EPG5: variants seen among roughly 807,000 people sequenced by gnomAD.
EPG5 encodes ectopic P granules protein 5 homolog.
A neutral mutation model predicts 302.7 loss-of-function variants in EPG5; 159 were observed. That is an observed-to-expected ratio of 0.53 (90% CI 0.46 to 0.60). EPG5 has a LOEUF of 0.60. EPG5 is among the 20% of genes least tolerant of loss of function. EPG5 has a pLI of 0.00. For missense variants in EPG5, 2,896 were observed against 3,092.4 expected, an observed-to-expected ratio of 0.94 and a Z score of 1.51; for synonymous variants, 1,158 against 1,136.8, an observed-to-expected ratio of 1.02 and a Z score of -0.37.
the EPG5 span, among the ~76,000 whole-genome samples, chr18:45,809,054 T>C: frequency 6.6e-6 from 1 of 152,188 alleles, no homozygotes; most frequent in Non-Finnish European, 1.5e-5. Context: ...AGACATTTCA[T>C]GCAAATTGAC....
chr18:45,845,195 A>T (rs966265541), downstream of EPG5, among the ~76,000 whole-genome samples: 5 of 152,178 alleles, frequency 3.3e-5, no homozygotes. Flanking sequence ...GTGCTAGCTG[A>T]TACATACCCT....
chr18:45,803,828 C>A, the EPG5 span, among the ~76,000 whole-genome samples: 1 of 152,176 alleles, frequency 6.6e-6, no homozygotes, highest in African/African-American at 2.4e-5. Context: ...AAATTCAAAA[C>A]TCTTTGAAAG....
At chr18:45,868,218 TG>T (rs2048788131) in intron 36 of EPG5, 1 of 454,412 alleles carries the variant, frequency 2.2e-6, no homozygotes, top group Non-Finnish European at 4.4e-6. Context: ...TTTGCAGGTA[TG>T]GGTTGGGAGC....
intron 28 of EPG5, among the ~76,000 whole-genome samples, chr18:45,889,236 C>G: frequency 6.6e-6 from 1 of 152,164 alleles, no homozygotes; most frequent in East Asian, 1.9e-4. Flanking sequence ...GTCATGGTGG[C>G]TTTGGAAAGA....
chr18:45,902,627 C>T (rs536433427), intron 25 of EPG5, among the ~76,000 whole-genome samples: 1 of 152,294 alleles, frequency 6.6e-6, no homozygotes, highest in South Asian at 2.1e-4. Flanking sequence ...TGAAATTTTT[C>T]CTACAACCAA....
chr18:45,926,574 C>T (rs2050273004), intron 13 of EPG5, among the ~76,000 whole-genome samples: 2 of 152,052 alleles, frequency 1.3e-5, no homozygotes, highest in Admixed American at 6.6e-5. Flanking sequence ...TGCCTGTAAT[C>T]CCAGCACTTT....
chr18:45,907,992 A>T lies in EPG5; in HGVS notation c.4295T>A (p.Ile1432Asn). ...YIPSLPKHYDIHRLAKVMQNQ... is the reference protein window; with the variant it reads ...YIPSLPKHYDNHRLAKVMQNQ... ...CTGCATCACTTTTGCTAGCCTGTGA[A>T]TATCATAATGCTTTGGTAGAGAAGG... The change falls in exon 24 of 44, where the codon ATT (isoleucine) becomes AAT (asparagine). Residue 1432 changes from isoleucine to asparagine, a missense_variant. Physicochemically the swap from Ile to Asn is moderately radical, Grantham distance 149. Coordinates refer to ENST00000282041, the MANE Select transcript of EPG5 (RefSeq NM_020964.3). 6.3e-7 allele frequency: 1 copy of T among 1,591,956 alleles called. No homozygotes were observed. Among genetic ancestry groups the T allele is most frequent in the Non-Finnish European group, 8.5e-7 (1 of 1,174,030 alleles).
chr18:45,837,788 G>A, the EPG5 span: 8 of 1,523,072 alleles, frequency 5.3e-6, no homozygotes, highest in East Asian at 2.1e-4. Context: ...GCTGCGCGTC[G>A]AGCGCCTCGC....
the EPG5 span, among the ~76,000 whole-genome samples, chr18:45,835,699 T>C: frequency 6.6e-6 from 1 of 152,176 alleles, no homozygotes; most frequent in African/African-American, 2.4e-5. Flanking sequence ...AGTAACACTT[T>C]TACCTGATGG....
chr18:45,801,069 C>T, the EPG5 span, among the ~76,000 whole-genome samples: 1 of 152,090 alleles, frequency 6.6e-6, no homozygotes. Flanking sequence ...TGGAGTCTCG[C>T]TTTGTCACCC....
the EPG5 span, among the ~76,000 whole-genome samples, chr18:45,828,247 G>A: frequency 1.3e-5 from 2 of 152,132 alleles, no homozygotes; most frequent in Non-Finnish European, 2.9e-5. Context: ...ACAGCCCCTT[G>A]GTGAGAGAAA....
chr18:45,945,144 A>G (rs2050758507), intron 7 of EPG5, among the ~76,000 whole-genome samples: 1 of 152,228 alleles, frequency 6.6e-6, no homozygotes, highest in African/African-American at 2.4e-5. Context: ...AGGCAAAATC[A>G]TTCATAATTT....
chr18:45,959,429 G>A lies in EPG5; in HGVS notation c.64-4091C>T, dbSNP rs963954460. Reference sequence around the variant, plus strand: ...TGGAAGGCTGAGGCAGGTGGATTACGAGGTCAGGAGATTGAGACCATCCTG... The same window carrying A: ...TGGAAGGCTGAGGCAGGTGGATTACAAGGTCAGGAGATTGAGACCATCCTG... On this transcript the variant is annotated intron_variant, in intron 1 of 43. Transcript: ENST00000282041. 7.9e-5 allele frequency among the ~76,000 whole-genome samples: 12 copies of A among 152,000 alleles called. No homozygotes were observed. In the South Asian group the frequency reaches 1.2e-3, roughly 16 times the overall value.
rs760331503 is a variant in EPG5 at position 45,916,096 on chromosome 18, G to A, written c.3495C>T (p.Ile1165=). 1 of 1,614,140 alleles carries A rather than the reference G, an allele frequency of 6.2e-7. No homozygotes were observed. Among genetic ancestry groups the A allele is most frequent in the South Asian group, 1.1e-5 (1 of 91,080 alleles). The change falls in exon 19 of 44, where the codon ATC becomes ATT. Residue 1165 remains isoleucine, a synonymous_variant. Coordinates refer to ENST00000282041, the MANE Select transcript of EPG5 (RefSeq NM_020964.3). The part of the protein sequence containing the change: ...SQHLWYREQP[I]LFLMDHLCKA... ...TACACAAGTGGTCCATGAGGAAGAG[G>A]ATAGGTTGTTCTCGGTACCAGAGAT...
At chr18:45,838,870 G>A in the EPG5 span, 2 of 1,587,338 alleles carry the variant, frequency 1.3e-6, no homozygotes, top group South Asian at 1.1e-5. Context: ...CCCGCGTGAG[G>A]GTCACGGCCA....
intron 16 of EPG5, among the ~76,000 whole-genome samples, chr18:45,921,214 T>C (rs1459415508): frequency 2.6e-5 from 4 of 152,312 alleles, no homozygotes; most frequent in East Asian, 1.9e-4. Flanking sequence ...TCCTACTTCA[T>C]AGCACAACGC....
At chr18:45,914,518 GATA>G (rs1446409260) in intron 20 of EPG5, among the ~76,000 whole-genome samples, 1 of 152,246 alleles carries the variant, frequency 6.6e-6, no homozygotes, top group Admixed American at 6.5e-5. Flanking sequence ...TGCTGCTGAT[GATA>G]ATAATAACAA....
chr18:45,947,814 G>A (rs190001700), intron 6 of EPG5, among the ~76,000 whole-genome samples: 28 of 150,920 alleles, frequency 1.9e-4, no homozygotes, highest in African/African-American at 5.4e-4. Context: ...GCTCTATCAC[G>A]CAGGCTGGAG....
chr18:45,906,947 A>T (rs2049766256), intron 24 of EPG5, among the ~76,000 whole-genome samples: 1 of 152,150 alleles, frequency 6.6e-6, no homozygotes, highest in African/African-American at 2.4e-5. Flanking sequence ...TGGGCCATGC[A>T]CCTGGCCCAT....
Sources: allele counts gnomAD v4.1 joint callset (sites outside exome capture counted in the v4.1 genomes callset), GRCh38; gene constraint gnomAD v4.1.1; transcripts MANE v1.5; gene names NCBI Gene and HGNC (gene_info 2026-07-23, HGNC 2026-07-21).